DYNC2H1: variants seen among roughly 807,000 people sequenced by gnomAD.
The protein encoded by DYNC2H1 is dynein cytoplasmic 2 heavy chain 1.
DYNC2H1 carries 410 observed loss-of-function variants against 570.0 expected under a neutral mutation model. That is an observed-to-expected ratio of 0.72 (90% CI 0.66 to 0.78). DYNC2H1 has a LOEUF of 0.78. Among genes scored for constraint, DYNC2H1 ranks in the 30% least tolerant of loss-of-function variants. DYNC2H1 has a pLI of 0.00. For synonymous variants in DYNC2H1, 1,688 were observed against 1,677.6 expected, an observed-to-expected ratio of 1.01 and a Z score of -0.15; for missense variants, 4,865 against 5,046.4, an observed-to-expected ratio of 0.96 and a Z score of 1.09.
Position 103,220,614 on chromosome 11 carries a change from C to T in DYNC2H1, c.8947-9C>T. On this transcript the variant is annotated splice_polypyrimidine_tract_variant and intron_variant, in intron 56 of 88. Coordinates refer to ENST00000375735, the MANE Select transcript of DYNC2H1 (RefSeq NM_001377.3). ...ATTTGAAGATAAAAATGGCCTTTTT[C>T]TCTTTTAGCCTTTAGTCAATGAAGC... 1 of 1,563,190 alleles carries T rather than the reference C, an allele frequency of 6.4e-7. No homozygotes were observed. Among genetic ancestry groups the T allele is most frequent in the Non-Finnish European group, 8.6e-7 (1 of 1,157,464 alleles).
intron 17 of DYNC2H1, among the ~76,000 whole-genome samples, chr11:103,141,499 C>T (rs1859926702): frequency 6.6e-6 from 1 of 152,186 alleles, no homozygotes; most frequent in Admixed American, 6.5e-5. Context: ...GTATCAGCAG[C>T]GGTGGCTACA....
rs2135362922 is a variant in DYNC2H1, at chr11:103,289,291, A to G, written c.11095+1686A>G. Among the ~76,000 whole-genome samples, 1 of 152,104 alleles carries G rather than the reference A, an allele frequency of 6.6e-6. No homozygotes were observed. Among genetic ancestry groups the G allele is most frequent in the Admixed American group, 6.6e-5 (1 of 15,258 alleles). On this transcript the variant is annotated intron_variant, in intron 75 of 88. Transcript: ENST00000375735. This position sits in a 1 kb window ranked among gnomAD's most constrained non-coding sequence, Gnocchi z 4.2. ...CCTGCACAGCTGGCTCTGTCTTGGTAAATCAACTCTGTCTAGGCAATGGGC... is the reference window on the plus strand; with the variant it reads ...CCTGCACAGCTGGCTCTGTCTTGGTGAATCAACTCTGTCTAGGCAATGGGC...
intron 83 of DYNC2H1, among the ~76,000 whole-genome samples, chr11:103,388,541 T>C (rs1485817194): frequency 6.6e-6 from 1 of 152,218 alleles, no homozygotes; most frequent in African/African-American, 2.4e-5. Context: ...CAACATTATG[T>C]TGAATAGGAA....
intron 82 of DYNC2H1, 88 bp from the exon 83 acceptor site, chr11:103,358,155 C>A: frequency 1.4e-6 from 1 of 692,436 alleles, no homozygotes; most frequent in Non-Finnish European, 2.3e-6. Flanking sequence ...TTTTATAAAA[C>A]AAAATGTCTG....
intron 84 of DYNC2H1, among the ~76,000 whole-genome samples, chr11:103,414,742 A>G (rs1478683962): frequency 6.6e-6 from 1 of 151,914 alleles, no homozygotes; most frequent in Admixed American, 6.6e-5. Flanking sequence ...TCAATAATAG[A>G]CAAGCAAAGA....
intron 3 of DYNC2H1, 27 bp from the exon 4 acceptor site, chr11:103,115,150 A>AT (rs35346761): frequency 5.8e-6 from 9 of 1,542,000 alleles, no homozygotes; most frequent in South Asian, 2.4e-5. Flanking sequence ...ATTCTATGCC[A>AT]TTTTTTTCCC....
chr11:103,197,219 A>G (rs1862538001), intron 47 of DYNC2H1, among the ~76,000 whole-genome samples: 1 of 151,912 alleles, frequency 6.6e-6, no homozygotes, highest in Admixed American at 6.6e-5. Context: ...TTTATTTGCT[A>G]ATTTTATGTG....
In DYNC2H1 at chr11:103,369,913, G is replaced by C. The variant is rs181264178; in HGVS notation, c.12156+11554G>C. ...CCCAGCTGTGGTGGTTGTGGAGAAA[G>C]ACTCCTTCCACTTGAGAAAAGCAGA... On this transcript the variant is annotated intron_variant, in intron 83 of 88. Transcript: ENST00000375735. This position sits in a 1 kb window ranked among gnomAD's most constrained non-coding sequence, Gnocchi z 4.0. 1.8e-3 allele frequency among the ~76,000 whole-genome samples: 280 copies of C among 152,328 alleles called. 1 individual carries two copies. The highest frequency in any genetic ancestry group is 3.5e-3 in the Non-Finnish European group (236 of 68,032).
At position 103,143,656 on chromosome 11, in the gene DYNC2H1, A is replaced by G. The variant is rs528878638; in HGVS notation, c.2702+261A>G. ...CTATCTTCATCTGGTATGAAGAGCT[A>G]TGTTTGATATGCATTGGCACAATCT... On this transcript the variant is annotated intron_variant, in intron 18 of 88. Transcript: ENST00000375735. Among the ~76,000 whole-genome samples the G allele has an allele frequency of 8.5e-5, 13 of 152,304 alleles. 1 individual carries two copies. In the South Asian group the frequency reaches 2.7e-3, roughly 32 times the overall value.
chr11:103,192,669 A>G (rs1293386443), intron 47 of DYNC2H1, among the ~76,000 whole-genome samples: 1 of 152,188 alleles, frequency 6.6e-6, no homozygotes, highest in Non-Finnish European at 1.5e-5. Context: ...TTAGCATAGA[A>G]CTTACATATG....
intron 45 of DYNC2H1, 37 bp from the exon 46 acceptor site, chr11:103,191,478 AGG>A (rs1862308388): frequency 6.9e-7 from 1 of 1,443,580 alleles, no homozygotes; most frequent in African/African-American, 1.4e-5. Flanking sequence ...TTATTATTTA[AGG>A]CAGTAGAAAG....
chr11:103,198,680 T>C (rs1379131113), intron 48 of DYNC2H1, among the ~76,000 whole-genome samples: 1 of 152,218 alleles, frequency 6.6e-6, no homozygotes, highest in African/African-American at 2.4e-5. Context: ...GAATGGATGT[T>C]GCAAAGTTTT....
chr11:103,351,422 GGGA>G (rs1268205699), intron 82 of DYNC2H1, among the ~76,000 whole-genome samples: 4 of 152,144 alleles, frequency 2.6e-5, no homozygotes, highest in African/African-American at 7.2e-5. Flanking sequence ...CTCTTGATAT[GGGA>G]GGAGAAGAAC....
chr11:103,139,697 C>A (rs9877106), intron 17 of DYNC2H1, among the ~76,000 whole-genome samples: 22 of 151,114 alleles, frequency 1.5e-4, no homozygotes, highest in Non-Finnish European at 2.4e-4. Flanking sequence ...TTCTGTTGAT[C>A]TGGGGTGGAG....
intron 83 of DYNC2H1, among the ~76,000 whole-genome samples, chr11:103,394,942 A>G (rs7943918): frequency 0.035 from 5,394 of 152,076 alleles, 313 homozygotes; most frequent in African/African-American, 0.12. Flanking sequence ...CCCTGAACTC[A>G]CCAAACTCAA....
intron 50 of DYNC2H1, 136 bp downstream of exon 50, chr11:103,200,290 C>A: frequency 1.6e-6 from 1 of 610,602 alleles, no homozygotes; most frequent in Non-Finnish European, 2.8e-6. Context: ...TGGTGTTAAA[C>A]ATGCTCATGG....
intron 12 of DYNC2H1, among the ~76,000 whole-genome samples, chr11:103,127,688 G>A (rs954886330): frequency 1.3e-5 from 2 of 152,068 alleles, no homozygotes; most frequent in Admixed American, 1.3e-4. Flanking sequence ...TCCCTGAACC[G>A]CTCCTTTTTC....
At chr11:103,235,012 T>A (rs773206024) in intron 61 of DYNC2H1, among the ~76,000 whole-genome samples, 6 of 152,014 alleles carry the variant, frequency 3.9e-5, no homozygotes, top group Non-Finnish European at 5.9e-5. Flanking sequence ...CCAATTTCTT[T>A]TCATTTCTCA....
chr11:103,271,245 G>A (rs892235216), intron 70 of DYNC2H1, among the ~76,000 whole-genome samples: 1 of 152,160 alleles, frequency 6.6e-6, no homozygotes, highest in Admixed American at 6.6e-5. Flanking sequence ...GGCTACTAAA[G>A]TGAATCTTAA....
Sources: allele counts gnomAD v4.1 joint callset (sites outside exome capture counted in the v4.1 genomes callset), GRCh38; gene constraint gnomAD v4.1.1; non-coding constraint Gnocchi (gnomAD v3.1); transcripts MANE v1.5; gene names NCBI Gene and HGNC (gene_info 2026-07-23, HGNC 2026-07-21).